ADAMTS3: variants seen among roughly 807,000 people sequenced by gnomAD.
The protein encoded by ADAMTS3 is ADAM metallopeptidase with thrombospondin type 1 motif 3, also known as A disintegrin and metalloproteinase with thrombospondin motifs 3.
ADAMTS3 carries 73 observed loss-of-function variants against 129.0 expected under a neutral mutation model. The observed-to-expected ratio is 0.57, with a 90% confidence interval of 0.47 to 0.69. The LOEUF is 0.69. ADAMTS3 is among the 30% of genes least tolerant of loss of function. The pLI, the probability that ADAMTS3 is intolerant of heterozygous loss-of-function variation, is 0.00. For synonymous variants in ADAMTS3, 477 were observed against 510.8 expected, an observed-to-expected ratio of 0.93 and a Z score of 0.89; for missense variants, 1,457 against 1,514.5, an observed-to-expected ratio of 0.96 and a Z score of 0.63.
chr4:72,289,986 T>C (rs1718614369), intron 20 of ADAMTS3, among the ~76,000 whole-genome samples: 1 of 152,220 alleles, frequency 6.6e-6, no homozygotes, highest in South Asian at 2.1e-4. Flanking sequence ...TATTCTCCAC[T>C]TACTCTTTAG....
chr4:72,537,809 G>C (rs111519979), intron 3 of ADAMTS3, among the ~76,000 whole-genome samples: 1,785 of 152,296 alleles, frequency 0.012, 44 homozygotes, highest in African/African-American at 0.04. Context: ...ACAAGACCTA[G>C]TGGCAGTATT....
chr4:72,480,054 A>C (rs367863631), intron 3 of ADAMTS3, among the ~76,000 whole-genome samples: 4 of 152,168 alleles, frequency 2.6e-5, no homozygotes, highest in Non-Finnish European at 4.4e-5. Flanking sequence ...AACAGGTGCT[A>C]GAGAGGATGT....
At chr4:72,556,385 T>C (rs1721767385) in intron 2 of ADAMTS3, among the ~76,000 whole-genome samples, 1 of 151,778 alleles carries the variant, frequency 6.6e-6, no homozygotes, top group Non-Finnish European at 1.5e-5. Flanking sequence ...GGATACCAGA[T>C]GTCCCCAATA....
intron 4 of ADAMTS3, among the ~76,000 whole-genome samples, chr4:72,378,339 C>T (rs939260899): frequency 7.9e-5 from 12 of 152,050 alleles, no homozygotes; most frequent in African/African-American, 9.7e-5. Flanking sequence ...TTAGAAAATA[C>T]GGTAGAATGG....
intron 3 of ADAMTS3, among the ~76,000 whole-genome samples, chr4:72,514,348 G>C (rs746392815): frequency 1.3e-5 from 2 of 152,078 alleles, no homozygotes; most frequent in South Asian, 4.1e-4. Context: ...TTTTTATTTA[G>C]ATGCTCACCT....
chr4:72,298,349 T>A lies in ADAMTS3; in HGVS notation c.2518A>T (p.Ile840Phe). The A allele has an allele frequency of 6.2e-7, 1 of 1,612,184 alleles. No individual in the cohort carries two copies. The highest frequency in any genetic ancestry group is 8.5e-7 in the Non-Finnish European group (1 of 1,178,464). The change falls in exon 18 of 22, where the codon ATC becomes TTC. Residue 840 changes from isoleucine (I) to phenylalanine (F), a missense_variant. By Grantham distance (21) the Ile-to-Phe change is conservative. Transcript: ENST00000286657. The stretch of plus-strand genomic sequence containing the variant: ...TCAAAAGTATCTAATTCTTCCTGGA[T>A]GACATTGTTGCTGTTGATTGTAGGT... Reference protein sequence around the residue: ...SVPTINSNNVIQEELDTFEWA... With the variant: ...SVPTINSNNVFQEELDTFEWA...
At chr4:72,395,380 A>C (rs1186077023) in intron 4 of ADAMTS3, among the ~76,000 whole-genome samples, 3 of 152,166 alleles carry the variant, frequency 2.0e-5, no homozygotes, top group African/African-American at 7.2e-5. Context: ...TATAAGGACA[A>C]AAAAAGGCAA....
intron 4 of ADAMTS3, among the ~76,000 whole-genome samples, chr4:72,373,832 C>T (rs1019693858): frequency 9.9e-5 from 15 of 150,930 alleles, no homozygotes; most frequent in South Asian, 4.2e-4. Context: ...CCTGGGAGAT[C>T]GAGTCTGCAG....
At chr4:72,506,089 G>A (rs991062466) in intron 3 of ADAMTS3, among the ~76,000 whole-genome samples, 2 of 152,210 alleles carry the variant, frequency 1.3e-5, no homozygotes. Context: ...CGGTGACTCA[G>A]GCTGTTAGTC....
chr4:72,455,825 G>GTA (rs1335519807), intron 3 of ADAMTS3, among the ~76,000 whole-genome samples: 13 of 125,008 alleles, frequency 1.0e-4, no homozygotes, highest in South Asian at 2.4e-4. Flanking sequence ...TTTACATATA[G>GTA]TATATACAGT....
In ADAMTS3 at chr4:72,306,078, G is replaced by A; in HGVS notation, c.2180-11C>T. On this transcript the variant is annotated splice_polypyrimidine_tract_variant and intron_variant, in intron 15 of 21. Transcript: ENST00000286657. Reference sequence around the variant, plus strand: ...ACATCTTAAGGTACCCTTTGCATGTGTAGTAAATATTGTAGGAAGCAAAGA... The same window carrying A: ...ACATCTTAAGGTACCCTTTGCATGTATAGTAAATATTGTAGGAAGCAAAGA... 1 of 1,587,658 alleles carries A rather than the reference G, an allele frequency of 6.3e-7. No individual in the cohort carries two copies. Among genetic ancestry groups the A allele is most frequent in the Non-Finnish European group, 8.6e-7 (1 of 1,167,840 alleles).
intron 5 of ADAMTS3, among the ~76,000 whole-genome samples, chr4:72,325,652 G>T (rs905720429): frequency 1.3e-5 from 2 of 152,086 alleles, no homozygotes; most frequent in African/African-American, 4.8e-5. Flanking sequence ...CAAAACTAAA[G>T]AAACGGAAAC....
chr4:72,293,172 C>T (rs891040471), intron 19 of ADAMTS3, among the ~76,000 whole-genome samples: 1 of 152,142 alleles, frequency 6.6e-6, no homozygotes, highest in African/African-American at 2.4e-5. Context: ...AGCAAACTGA[C>T]TTGCACTGTA....
chr4:72,308,143 A>T (rs1291353973), intron 15 of ADAMTS3, among the ~76,000 whole-genome samples: 1 of 152,006 alleles, frequency 6.6e-6, no homozygotes, highest in Non-Finnish European at 1.5e-5. Context: ...AGATGAAGAA[A>T]ATTACATTTG....
At chr4:72,526,283 T>C (rs998018954) in intron 3 of ADAMTS3, among the ~76,000 whole-genome samples, 3 of 152,148 alleles carry the variant, frequency 2.0e-5, no homozygotes, top group African/African-American at 7.2e-5. Flanking sequence ...TGAGCTGCTT[T>C]AGCAGCAGAG....
chr4:72,470,524 A>T (rs972627792), intron 3 of ADAMTS3, among the ~76,000 whole-genome samples: 1 of 151,650 alleles, frequency 6.6e-6, no homozygotes, highest in African/African-American at 2.4e-5. Flanking sequence ...AATTATATCC[A>T]TCTTCCTGTA....
rs1306925316 is a variant in ADAMTS3, at chr4:72,568,814, AACCC to A, written c.-56_-53del. 5.2e-6 allele frequency: 7 copies of A among 1,354,030 alleles called. No individual in the cohort carries two copies. Among genetic ancestry groups the A allele is most frequent in the Admixed American group, 2.1e-5 (1 of 47,254 alleles). The allele number at this position is 1,354,030 out of a possible 1,614,324, so 83.9% of individuals were successfully genotyped here. A position where few individuals can be genotyped will look rare whatever the true frequency, so the allele number is the denominator to read the frequency against. On this transcript the variant is annotated 5_prime_UTR_variant, in exon 1 of 22. Coordinates refer to ENST00000286657, the MANE Select transcript of ADAMTS3 (RefSeq NM_014243.3). ...CTGGGCAAAGCAAATGCCCAGAGCAAACCCACCCCCCCCGCCCAAAATAAGTTTC... is the reference window on the plus strand; with the variant it reads ...CTGGGCAAAGCAAATGCCCAGAGCAAACCCCCCCCGCCCAAAATAAGTTTC...
At chr4:72,422,316 A>G (rs1722466706) in intron 3 of ADAMTS3, among the ~76,000 whole-genome samples, 2 of 152,112 alleles carry the variant, frequency 1.3e-5, no homozygotes, top group Non-Finnish European at 2.9e-5. Context: ...AAATTTCCCT[A>G]TATAACATAA....
In ADAMTS3 at chr4:72,398,199, A is replaced by G. The variant is rs75953979; in HGVS notation, c.661+16616T>C. ...GAGAGCCATGTTGAGGGGGAGCTCTATAACAGATAAAGGGTGCAAAACAAA... is the reference window on the plus strand; with the variant it reads ...GAGAGCCATGTTGAGGGGGAGCTCTGTAACAGATAAAGGGTGCAAAACAAA... On this transcript the variant is annotated intron_variant, in intron 4 of 21. Transcript: ENST00000286657. Among the ~76,000 whole-genome samples the G allele has an allele frequency of 2.0e-5, 3 of 152,290 alleles. No individual in the cohort carries two copies. In the East Asian group the frequency reaches 5.8e-4, roughly 29 times the overall value.
Sources: allele counts gnomAD v4.1 joint callset (sites outside exome capture counted in the v4.1 genomes callset), GRCh38; gene constraint gnomAD v4.1.1; transcripts MANE v1.5; gene names NCBI Gene and HGNC (gene_info 2026-07-23, HGNC 2026-07-21).